The following PDE4B variants were observed in gnomAD, a reference collection of about 807,000 sequenced individuals.
The protein encoded by PDE4B is phosphodiesterase 4B.
In PDE4B, 20 loss-of-function variants were observed where a neutral mutation model predicts 82.2. The observed-to-expected ratio is 0.24, with a 90% confidence interval of 0.17 to 0.35. PDE4B has a LOEUF of 0.35. Ranked by LOEUF, PDE4B falls within the 10% of genes least tolerant of loss-of-function variation. The probability of loss-of-function intolerance (pLI) is 1.00; values close to 1 mark genes in which losing one functional copy is unlikely to be tolerated. For missense variants in PDE4B, 655 were observed against 907.2 expected (o/e 0.72, Z 3.57); for synonymous variants, 320 against 318.9 (o/e 1.00, Z -0.04).
At chr1:66,301,098 G>A (rs184696401) in intron 7 of PDE4B, among the ~76,000 whole-genome samples, 2 of 152,170 alleles carry the variant, frequency 1.3e-5, no homozygotes, top group Admixed American at 1.3e-4. Context: ...AAGTTCCTGC[G>A]TGCTCATGAA....
chr1:66,288,601 T>G (rs1018737629), intron 7 of PDE4B, among the ~76,000 whole-genome samples: 1 of 152,166 alleles, frequency 6.6e-6, no homozygotes, highest in Non-Finnish European at 1.5e-5. Flanking sequence ...AACTAGCGCC[T>G]GGCTTACTAT....
At chr1:66,120,631 C>A (rs1645690370) in intron 3 of PDE4B, among the ~76,000 whole-genome samples, 1 of 152,122 alleles carries the variant, frequency 6.6e-6, no homozygotes, top group South Asian at 2.1e-4. Flanking sequence ...ATCTGAATTT[C>A]TGACATAGCA....
intron 3 of PDE4B, among the ~76,000 whole-genome samples, chr1:66,196,484 C>T (rs1369808921): frequency 2.6e-5 from 4 of 152,174 alleles, no homozygotes. Flanking sequence ...TTTAGGCCAG[C>T]ACATCTCTGT....
At chr1:65,922,735 G>A (rs756627440) in intron 3 of PDE4B, among the ~76,000 whole-genome samples, 1 of 152,196 alleles carries the variant, frequency 6.6e-6, no homozygotes, top group Non-Finnish European at 1.5e-5. Flanking sequence ...CACCAAGAAA[G>A]ATTAAATTAT....
In PDE4B at chr1:65,838,549, GTA is replaced by G. The variant is rs202118145; in HGVS notation, c.-71+45309_-71+45310del. 7.4e-3 allele frequency among the ~76,000 whole-genome samples: 1,085 copies of G among 146,550 alleles called. 11 individuals carry two copies. Among genetic ancestry groups the G allele is most frequent in the African/African-American group, 0.024 (975 of 40,138 alleles). On this transcript the variant is annotated intron_variant, in intron 1 of 16. Transcript: ENST00000341517. ...TGTATATATATGTATGTGTATATATGTATATATATGTATATGTATATATGTAT... is the reference window on the plus strand; with the variant it reads ...TGTATATATATGTATGTGTATATATGTATATATGTATATGTATATATGTAT...
intron 3 of PDE4B, among the ~76,000 whole-genome samples, chr1:66,117,163 A>C (rs141825000): frequency 6.7e-4 from 102 of 152,330 alleles, no homozygotes; most frequent in Middle Eastern, 3.4e-3. Context: ...GGACTGCAGC[A>C]TAGGTAAGTA....
chr1:66,135,710 A>C (rs1009401327), intron 3 of PDE4B, among the ~76,000 whole-genome samples: 5 of 152,208 alleles, frequency 3.3e-5, no homozygotes, highest in Admixed American at 2.6e-4. Flanking sequence ...GATCTGGGCC[A>C]ATAATATAGA....
At chr1:65,969,615 T>C (rs567690639) in intron 3 of PDE4B, among the ~76,000 whole-genome samples, 2 of 152,188 alleles carry the variant, frequency 1.3e-5, no homozygotes, top group Non-Finnish European at 2.9e-5. Context: ...TGCATTGTAC[T>C]ACATATTGCT....
chr1:66,266,774 A>G (rs1655078329), intron 7 of PDE4B: 1 of 481,142 alleles, frequency 2.1e-6, no homozygotes, highest in South Asian at 1.6e-5. Context: ...TCTTCTTCAC[A>G]CAAAATGCAA....
chr1:65,924,136 G>A (rs1482946695), intron 3 of PDE4B, among the ~76,000 whole-genome samples: 9 of 102,302 alleles, frequency 8.8e-5, no homozygotes, highest in Admixed American at 4.2e-4. Context: ...GTGCAGTGGC[G>A]GGATCTCGGC....
At chr1:65,879,772 A>C (rs1388956605) in intron 1 of PDE4B, among the ~76,000 whole-genome samples, 1 of 152,244 alleles carries the variant, frequency 6.6e-6, no homozygotes, top group East Asian at 1.9e-4. Context: ...GCATGAGCTC[A>C]AAGTCATTTA....
At chr1:66,114,321 T>C (rs1645548794) in intron 3 of PDE4B, among the ~76,000 whole-genome samples, 1 of 152,172 alleles carries the variant, frequency 6.6e-6, no homozygotes, top group African/African-American at 2.4e-5. Flanking sequence ...CTGAACAGAC[T>C]AAGACATGAA....
At chr1:66,068,059 G>A (rs557048374) in intron 3 of PDE4B, among the ~76,000 whole-genome samples, 11 of 150,636 alleles carry the variant, frequency 7.3e-5, no homozygotes, top group East Asian at 5.9e-4. Context: ...AAACCTGCAC[G>A]TTGTGCACAT....
chr1:66,264,682 G>A (rs532148960), intron 6 of PDE4B, among the ~76,000 whole-genome samples: 1 of 152,154 alleles, frequency 6.6e-6, no homozygotes, highest in Non-Finnish European at 1.5e-5. Context: ...CTAGGTATGG[G>A]TACCTACAAG....
At chr1:66,074,959 T>C (rs943042856) in intron 3 of PDE4B, among the ~76,000 whole-genome samples, 1 of 151,888 alleles carries the variant, frequency 6.6e-6, no homozygotes, top group Non-Finnish European at 1.5e-5. Flanking sequence ...AGCCCCCAAA[T>C]TGGGTCTTAG....
At chr1:66,258,920 T>C (rs1261427031) in intron 6 of PDE4B, among the ~76,000 whole-genome samples, 1 of 152,186 alleles carries the variant, frequency 6.6e-6, no homozygotes, top group Non-Finnish European at 1.5e-5. Context: ...TGATCAAACT[T>C]CCATGTGAGT....
chr1:66,246,300 G>A (rs942990298), intron 3 of PDE4B, among the ~76,000 whole-genome samples: 57 of 152,180 alleles, frequency 3.7e-4, no homozygotes, highest in African/African-American at 1.4e-3. Context: ...AGAAATATAA[G>A]CAAAATCCAC....
chr1:65,845,042 A>G (rs1646253384), intron 1 of PDE4B, among the ~76,000 whole-genome samples: 1 of 152,054 alleles, frequency 6.6e-6, no homozygotes, highest in East Asian at 1.9e-4. Context: ...GCCCACCCCC[A>G]TCTGTCTAAG....
At position 65,980,535 on chromosome 1, in the gene PDE4B, T is replaced by A. The variant is rs553632435; in HGVS notation, c.281+61700T>A. ...AATCACTTGTTATAAAAGGGGGGTG[T>A]TGGTGTTTCTTTTCTTTTCATTTGA... On this transcript the variant is annotated intron_variant, in intron 3 of 16. Transcript: ENST00000341517. Among the ~76,000 whole-genome samples the A allele has an allele frequency of 1.4e-4, 21 of 152,298 alleles. No homozygotes were observed. The South Asian group carries it at 1.9e-3, about 14-fold the overall frequency.
Sources: allele counts gnomAD v4.1 joint callset (sites outside exome capture counted in the v4.1 genomes callset), GRCh38; gene constraint gnomAD v4.1.1; transcripts MANE v1.5; gene names NCBI Gene and HGNC (gene_info 2026-07-23, HGNC 2026-07-21).